The following PCDH15 variants were observed in gnomAD, a reference collection of about 807,000 sequenced individuals.
PCDH15 encodes the protein protocadherin related 15.
PCDH15 carries 129 observed loss-of-function variants against 178.5 expected under a neutral mutation model. That is an observed-to-expected ratio of 0.72 (90% CI 0.63 to 0.84). The LOEUF (loss-of-function observed/expected upper bound fraction) is 0.84. PCDH15 is among the 40% of genes least tolerant of loss of function. The probability of loss-of-function intolerance (pLI) is 0.00; values close to 1 mark genes in which losing one functional copy is unlikely to be tolerated. For synonymous variants in PCDH15, 800 were observed against 732.0 expected (o/e 1.09, Z -1.50); for missense variants, 2,230 against 2,099.9 (o/e 1.06, Z -1.21).
At chr10:55,222,231 C>T (rs1388449345) in intron 1 of PCDH15, among the ~76,000 whole-genome samples, 2 of 151,930 alleles carry the variant, frequency 1.3e-5, no homozygotes, top group African/African-American at 4.8e-5. Context: ...TGAAATGCCT[C>T]AAATATTAAC....
chr10:55,137,202 C>T (rs1290389656), intron 2 of PCDH15, among the ~76,000 whole-genome samples: 1 of 152,102 alleles, frequency 6.6e-6, no homozygotes, highest in Non-Finnish European at 1.5e-5. Context: ...TATGATATTT[C>T]AGTCAACAAC....
At chr10:55,403,531 G>A (rs76866875) in intron 2 of PCDH15, among the ~76,000 whole-genome samples, 2,833 of 151,792 alleles carry the variant, frequency 0.019, 79 homozygotes, top group African/African-American at 0.066. Flanking sequence ...ATCTATTTGA[G>A]TTGATTTTTT....
At chr10:55,608,600 C>T (rs1349852252) in intron 2 of PCDH15, among the ~76,000 whole-genome samples, 5 of 151,626 alleles carry the variant, frequency 3.3e-5, no homozygotes, top group Admixed American at 2.0e-4. Context: ...TAGATCCTGC[C>T]GCTCACCACA....
At chr10:54,988,866 A>C (rs536327478) in intron 2 of PCDH15, among the ~76,000 whole-genome samples, 1 of 152,312 alleles carries the variant, frequency 6.6e-6, no homozygotes, top group Non-Finnish European at 1.5e-5. Flanking sequence ...GTTTATCCCC[A>C]GGATCATGGG....
chr10:53,930,457 CAAAAAAAAAAAAAAAAAA>C (rs60673116), intron 25 of PCDH15, among the ~76,000 whole-genome samples: 1 of 50,332 alleles, frequency 2.0e-5, no homozygotes, highest in Non-Finnish European at 3.3e-5. Context: ...GACTCCCTCT[CAAAAAAAAAAAAAAAAAA>C]AAAAAAAAAA....
At chr10:55,582,411 T>C (rs1842632628) in intron 2 of PCDH15, among the ~76,000 whole-genome samples, 1 of 151,882 alleles carries the variant, frequency 6.6e-6, no homozygotes, top group African/African-American at 2.4e-5. Flanking sequence ...AAGGTCTATA[T>C]GCACATTTCT....
chr10:54,795,584 T>C (rs763966026), intron 1 of PCDH15, among the ~76,000 whole-genome samples: 1 of 151,898 alleles, frequency 6.6e-6, no homozygotes, highest in Non-Finnish European at 1.5e-5. Flanking sequence ...ATTTATTGAG[T>C]ACTTACCAAA....
chr10:54,636,420 G>A (rs1179134372), intron 2 of PCDH15, among the ~76,000 whole-genome samples: 2 of 151,902 alleles, frequency 1.3e-5, no homozygotes, highest in African/African-American at 4.8e-5. Flanking sequence ...GTTTCTAAGT[G>A]CAGCAGTCTC....
chr10:55,368,136 G>C (rs1409992184), intron 2 of PCDH15, among the ~76,000 whole-genome samples: 1 of 151,930 alleles, frequency 6.6e-6, no homozygotes, highest in East Asian at 1.9e-4. Context: ...AAGCAATAAA[G>C]ACAGAATGAT....
At chr10:54,509,660 G>C (rs2081473046) in intron 3 of PCDH15, among the ~76,000 whole-genome samples, 1 of 152,002 alleles carries the variant, frequency 6.6e-6, no homozygotes, top group Non-Finnish European at 1.5e-5. Context: ...GCCTCCACAG[G>C]TTTCTTTGCT....
intron 2 of PCDH15, among the ~76,000 whole-genome samples, chr10:55,329,891 T>C (rs140943374): frequency 2.6e-4 from 39 of 151,850 alleles, no homozygotes; most frequent in Admixed American, 5.3e-4. Flanking sequence ...GTGACAAATA[T>C]GTAACTGTTT....
intron 8 of PCDH15, among the ~76,000 whole-genome samples, chr10:54,276,269 GAATA>G (rs1344959449): frequency 2.0e-5 from 3 of 151,638 alleles, no homozygotes; most frequent in African/African-American, 7.2e-5. Flanking sequence ...TTAGTATCCA[GAATA>G]AATAAGAAAG....
intron 2 of PCDH15, among the ~76,000 whole-genome samples, chr10:55,042,210 T>C (rs770411778): frequency 2.0e-5 from 3 of 152,140 alleles, no homozygotes; most frequent in East Asian, 1.9e-4. Context: ...GAAGGAAGAA[T>C]AGGCATGCTG....
At chr10:54,411,198 G>C (rs1275476090) in intron 3 of PCDH15, among the ~76,000 whole-genome samples, 1 of 139,328 alleles carries the variant, frequency 7.2e-6, no homozygotes, top group African/African-American at 2.6e-5. Flanking sequence ...TTAACTACAG[G>C]CATGCTTATA....
intron 2 of PCDH15, among the ~76,000 whole-genome samples, chr10:54,571,279 C>T (rs1324424045): frequency 6.8e-6 from 1 of 146,340 alleles, no homozygotes; most frequent in Non-Finnish European, 1.5e-5. Flanking sequence ...GAGAAGATAC[C>T]AGTCCCACCC....
At chr10:54,830,823 A>G (rs957724111) in intron 3 of PCDH15, among the ~76,000 whole-genome samples, 4 of 152,058 alleles carry the variant, frequency 2.6e-5, no homozygotes, top group Non-Finnish European at 4.4e-5. Context: ...CATGCCATAC[A>G]TGTCAACACA....
chr10:54,535,709 CAAAAAA>C (rs71010382), intron 2 of PCDH15, among the ~76,000 whole-genome samples: 12 of 42,598 alleles, frequency 2.8e-4, no homozygotes, highest in South Asian at 2.8e-3. Context: ...GACTCCACCT[CAAAAAA>C]AAAAAAAAAA....
chr10:53,989,752 T>A (rs1310238774), intron 21 of PCDH15, among the ~76,000 whole-genome samples: 2 of 152,156 alleles, frequency 1.3e-5, no homozygotes, highest in Non-Finnish European at 2.9e-5. Context: ...TAGTAGCTGC[T>A]GATCTTAAAA....
chr10:54,488,515 TG>T (rs2079303270), intron 3 of PCDH15, among the ~76,000 whole-genome samples: 1 of 151,936 alleles, frequency 6.6e-6, no homozygotes, highest in Non-Finnish European at 1.5e-5. Flanking sequence ...ATAGCTGTAG[TG>T]TTAGACAAAT....
Sources: gnomAD v4.1 joint callset for allele counts (sites outside exome capture counted in the v4.1 genomes callset) on GRCh38, gnomAD v4.1.1 for gene constraint, MANE v1.5 for transcripts, NCBI Gene and HGNC (gene_info 2026-07-23, HGNC 2026-07-21) for gene names.